Variants in DENND2C observed in about 807,000 individuals in gnomAD.
The protein encoded by DENND2C is DENN domain containing 2C.
A neutral mutation model predicts 112.4 loss-of-function variants in DENND2C; 72 were observed. The ratio of observed to expected loss-of-function variants is 0.64; its 90% CI spans 0.53 to 0.78. The LOEUF (loss-of-function observed/expected upper bound fraction) is 0.78. Among genes scored for constraint, DENND2C ranks in the 30% least tolerant of loss-of-function variants. The probability of loss-of-function intolerance (pLI) is 0.00; values close to 1 mark genes in which losing one functional copy is unlikely to be tolerated. For missense variants in DENND2C, 992 were observed against 1,113.8 expected, an observed-to-expected ratio of 0.89 and a Z score of 1.56; for synonymous variants, 329 against 381.6, an observed-to-expected ratio of 0.86 and a Z score of 1.61.
intron 10 of DENND2C, among the ~76,000 whole-genome samples, chr1:114,607,191 A>G (rs973347660): frequency 6.6e-6 from 1 of 152,250 alleles, no homozygotes; most frequent in African/African-American, 2.4e-5. Context: ...GACACCATGC[A>G]TGAACTCAGG....
At chr1:114,620,433 A>T (rs1240457277) in intron 7 of DENND2C, among the ~76,000 whole-genome samples, 1 of 152,236 alleles carries the variant, frequency 6.6e-6, no homozygotes, top group Admixed American at 6.5e-5. Context: ...CATTGAGGCA[A>T]GAAATCGAAA....
Position 114,587,372 on chromosome 1 carries a change from AAC to A in DENND2C, c.2755+13_2755+14del. On this transcript the variant is annotated intron_variant, in intron 20 of 20. Transcript: ENST00000393274. ...TTCAGCCACATTTATCTAACAGGAAAACACAGCAACTAACCAAGACTCCGCAA... is the reference window on the plus strand; with the variant it reads ...TTCAGCCACATTTATCTAACAGGAAAACAGCAACTAACCAAGACTCCGCAA... 6.2e-7 allele frequency: 1 copy of A among 1,614,126 alleles called. No homozygotes were observed. The highest frequency in any genetic ancestry group is 8.5e-7 in the Non-Finnish European group (1 of 1,179,978).
chr1:114,659,948 G>A (rs1469344598), intron 1 of DENND2C, among the ~76,000 whole-genome samples: 3 of 58,712 alleles, frequency 5.1e-5, no homozygotes, highest in African/African-American at 2.0e-4. Flanking sequence ...ACATCACCAC[G>A]CCTGGCTAAT....
At chr1:114,659,286 C>A (rs1213680320) in intron 1 of DENND2C, among the ~76,000 whole-genome samples, 3 of 151,880 alleles carry the variant, frequency 2.0e-5, no homozygotes, top group African/African-American at 7.3e-5. Context: ...GGATCACTTG[C>A]GGTCAGGAGT....
At chr1:114,636,459 A>T (rs1230724794) in intron 3 of DENND2C, among the ~76,000 whole-genome samples, 1 of 152,190 alleles carries the variant, frequency 6.6e-6, no homozygotes, top group Non-Finnish European at 1.5e-5. Flanking sequence ...TGAGCTCAGG[A>T]GTTCAAGACC....
intron 12 of DENND2C, 87 bp downstream of exon 12, chr1:114,602,038 T>C: frequency 7.6e-7 from 1 of 1,307,826 alleles, no homozygotes; most frequent in Non-Finnish European, 1.1e-6. Context: ...TCCCTCAAAC[T>C]CATCTAGAGA....
chr1:114,599,822 T>G (rs222497), intron 15 of DENND2C, among the ~76,000 whole-genome samples: 77,918 of 151,860 alleles, frequency 0.51, 20,192 homozygotes, highest in South Asian at 0.61. Flanking sequence ...AAATTATCCA[T>G]GCCACTATAT....
At chr1:114,618,168 T>G (rs892622365) in intron 8 of DENND2C, among the ~76,000 whole-genome samples, 2 of 152,004 alleles carry the variant, frequency 1.3e-5, no homozygotes, top group African/African-American at 4.8e-5. Context: ...TTTTGTATTT[T>G]TAGTAGAGAC....
At chr1:114,659,421 G>A (rs1397365878) in intron 1 of DENND2C, among the ~76,000 whole-genome samples, 1 of 152,126 alleles carries the variant, frequency 6.6e-6, no homozygotes, top group Middle Eastern at 3.2e-3. Context: ...AGAATCACTT[G>A]AACCCAGGAG....
chr1:114,588,917 C>G (rs1008996266), intron 18 of DENND2C, among the ~76,000 whole-genome samples: 17 of 152,078 alleles, frequency 1.1e-4, no homozygotes, highest in African/African-American at 4.1e-4. Context: ...TCATACTGCA[C>G]TATAATTATT....
At chr1:114,615,386 A>G (rs1655937705) in intron 8 of DENND2C, among the ~76,000 whole-genome samples, 1 of 152,264 alleles carries the variant, frequency 6.6e-6, no homozygotes, top group African/African-American at 2.4e-5. Context: ...CGTTGATGAT[A>G]GAAAAAGATA....
intron 15 of DENND2C, among the ~76,000 whole-genome samples, chr1:114,599,815 T>C (rs573034394): frequency 6.6e-6 from 1 of 152,156 alleles, no homozygotes; most frequent in Non-Finnish European, 1.5e-5. Context: ...CCATTTAAAA[T>C]TATCCATGCC....
intron 10 of DENND2C, among the ~76,000 whole-genome samples, chr1:114,607,513 AATT>A (rs1368782537): frequency 6.6e-6 from 1 of 152,148 alleles, no homozygotes; most frequent in East Asian, 1.9e-4. Context: ...TGGCAACAAA[AATT>A]ATTGTTGTTC....
chr1:114,591,949 A>G (rs1342864573), intron 18 of DENND2C, among the ~76,000 whole-genome samples: 1 of 151,810 alleles, frequency 6.6e-6, no homozygotes, highest in Non-Finnish European at 1.5e-5. Context: ...CAGTGGCACA[A>G]TCTTGGCTCA....
At chr1:114,629,233 G>C (rs1656424843) in intron 3 of DENND2C, among the ~76,000 whole-genome samples, 1 of 152,214 alleles carries the variant, frequency 6.6e-6, no homozygotes, top group Admixed American at 6.5e-5. Context: ...CGGTCATTCA[G>C]TTCCTCACCT....
At chr1:114,630,778 C>T (rs1656468678) in intron 3 of DENND2C, among the ~76,000 whole-genome samples, 1 of 152,126 alleles carries the variant, frequency 6.6e-6, no homozygotes, top group Non-Finnish European at 1.5e-5. Context: ...TGAGGCTAGA[C>T]AACAAACAAC....
At position 114,650,311 on chromosome 1, in the gene DENND2C, G is replaced by A. The variant is rs546694112; in HGVS notation, c.-317+4194C>T. On this transcript the variant is annotated intron_variant, in intron 2 of 20. Coordinates refer to ENST00000393274, the MANE Select transcript of DENND2C (RefSeq NM_001256404.2). ...GCACGCCAACCTGGGCAATAAGAGC[G>A]AAATTCTGTCTTAAAAAAAAAAAAG... Among the ~76,000 whole-genome samples, 3 of 148,252 alleles carry A rather than the reference G, an allele frequency of 2.0e-5. 1 individual carries two copies. Among genetic ancestry groups the A allele is most frequent in the South Asian group, 4.3e-4 (2 of 4,670 alleles).
chr1:114,660,758 C>T (rs1215833940), intron 1 of DENND2C, among the ~76,000 whole-genome samples: 1 of 152,076 alleles, frequency 6.6e-6, no homozygotes, highest in Non-Finnish European at 1.5e-5. Context: ...TTCTGAGGAT[C>T]AACAATTTAT....
chr1:114,661,174 A>G (rs907101577), intron 1 of DENND2C, among the ~76,000 whole-genome samples: 3 of 152,042 alleles, frequency 2.0e-5, no homozygotes, highest in Non-Finnish European at 4.4e-5. Flanking sequence ...AGCACAGTAC[A>G]ACTTACAATA....
Sources: gnomAD v4.1 joint callset for allele counts (sites outside exome capture counted in the v4.1 genomes callset) on GRCh38, gnomAD v4.1.1 for gene constraint, MANE v1.5 for transcripts, NCBI Gene and HGNC (gene_info 2026-07-23, HGNC 2026-07-21) for gene names.